Variants in ADGRB3 observed in about 807,000 individuals in gnomAD.
The protein encoded by ADGRB3 is adhesion G protein-coupled receptor B3, also known as brain-specific angiogenesis inhibitor 3.
ADGRB3 carries 37 observed loss-of-function variants against 193.4 expected under a neutral mutation model. The ratio of observed to expected loss-of-function variants is 0.19; its 90% CI spans 0.15 to 0.25. The LOEUF (loss-of-function observed/expected upper bound fraction) is 0.25, where lower values mean the gene tolerates loss of function less well. ADGRB3 is among the 10% of genes least tolerant of loss of function. The pLI is 1.00. For missense variants in ADGRB3, 1,637 were observed against 1,852.9 expected (o/e 0.88, Z 2.14); for synonymous variants, 690 against 644.2 (o/e 1.07, Z -1.08).
intron 3 of ADGRB3, among the ~76,000 whole-genome samples, chr6:68,758,751 C>T (rs1374692344): frequency 6.6e-6 from 1 of 152,042 alleles, no homozygotes; most frequent in Non-Finnish European, 1.5e-5. Flanking sequence ...CCCATAGTGC[C>T]CATTAAGCAC....
At chr6:68,736,475 CTAAT>C (rs1765875329) in intron 3 of ADGRB3, among the ~76,000 whole-genome samples, 1 of 152,210 alleles carries the variant, frequency 6.6e-6, no homozygotes, top group African/African-American at 2.4e-5. Flanking sequence ...AGTGTCTCTA[CTAAT>C]TAGACTTAAT....
intron 3 of ADGRB3, among the ~76,000 whole-genome samples, chr6:68,817,031 A>G (rs557409371): frequency 6.6e-6 from 1 of 151,958 alleles, no homozygotes; most frequent in African/African-American, 2.4e-5. Flanking sequence ...TTTATAATAT[A>G]AACTTGTATT....
At chr6:69,096,345 G>A (rs1436794859) in intron 17 of ADGRB3, among the ~76,000 whole-genome samples, 1 of 143,580 alleles carries the variant, frequency 7.0e-6, no homozygotes, top group African/African-American at 2.5e-5. Flanking sequence ...CCAAGAAAGA[G>A]GGTTTTTATT....
chr6:68,975,726 A>T (rs1768725091), intron 10 of ADGRB3, among the ~76,000 whole-genome samples: 1 of 152,180 alleles, frequency 6.6e-6, no homozygotes, highest in Admixed American at 6.5e-5. Context: ...CAGTAGTTGG[A>T]CAGTGATAAA....
At chr6:69,078,322 TC>T (rs1328100496) in intron 17 of ADGRB3, among the ~76,000 whole-genome samples, 4 of 152,000 alleles carry the variant, frequency 2.6e-5, no homozygotes, top group East Asian at 1.9e-4. Context: ...GCCCCACTGA[TC>T]ATCACCATCT....
At chr6:69,115,956 T>C (rs1773519324) in intron 17 of ADGRB3, among the ~76,000 whole-genome samples, 1 of 152,180 alleles carries the variant, frequency 6.6e-6, no homozygotes, top group Non-Finnish European at 1.5e-5. Flanking sequence ...TTTTAAGGAA[T>C]TGGTTTGCAC....
chr6:69,328,006 T>C (rs1768616466), intron 22 of ADGRB3, 117 bp downstream of exon 22: 1 of 807,886 alleles, frequency 1.2e-6, no homozygotes, highest in South Asian at 2.8e-5. Context: ...TGGTAGAAAT[T>C]GCATTAGTAA....
chr6:68,959,432 T>C (rs1309351677), intron 8 of ADGRB3, among the ~76,000 whole-genome samples: 2 of 152,164 alleles, frequency 1.3e-5, no homozygotes, highest in South Asian at 4.1e-4. Context: ...TTTCTTCAAG[T>C]TGCTGAAAAC....
At chr6:68,689,841 A>G (rs780980279) in intron 3 of ADGRB3, among the ~76,000 whole-genome samples, 2 of 152,144 alleles carry the variant, frequency 1.3e-5, no homozygotes, top group Admixed American at 6.6e-5. Context: ...AGTACCAAAT[A>G]CCTTATTCTG....
intron 17 of ADGRB3, among the ~76,000 whole-genome samples, chr6:69,225,306 TTTTTA>T (rs1276838518): frequency 3.9e-5 from 6 of 152,198 alleles, no homozygotes; most frequent in Non-Finnish European, 8.8e-5. Context: ...AAGCTTCATA[TTTTTA>T]TTTTCTTATT....
At chr6:68,838,479 C>T (rs1156361678) in intron 3 of ADGRB3, among the ~76,000 whole-genome samples, 3 of 152,162 alleles carry the variant, frequency 2.0e-5, no homozygotes, top group Non-Finnish European at 4.4e-5. Context: ...CTTTGCTTCC[C>T]CTTTGTGCTT....
chr6:69,094,893 A>C (rs989107600), intron 17 of ADGRB3, among the ~76,000 whole-genome samples: 1 of 152,198 alleles, frequency 6.6e-6, no homozygotes, highest in African/African-American at 2.4e-5. Context: ...GATCATTATA[A>C]AATGAAACTG....
intron 3 of ADGRB3, among the ~76,000 whole-genome samples, chr6:68,657,432 C>A (rs1032299648): frequency 2.0e-5 from 3 of 151,206 alleles, no homozygotes; most frequent in Non-Finnish European, 3.0e-5. Flanking sequence ...TTTAAACAGA[C>A]GAAAATATGG....
rs539309642 is a variant in ADGRB3, at chr6:68,934,419, T to G, written c.869-2100T>G. On this transcript the variant is annotated intron_variant, in intron 4 of 31. Coordinates refer to ENST00000370598, the MANE Select transcript of ADGRB3 (RefSeq NM_001704.3). The stretch of plus-strand genomic sequence containing the variant: ...ACGAAAGTAATTTAAATATAGGGCT[T>G]GATCTGAATTCACTGCTCAGTTTAG... 2.6e-5 allele frequency among the ~76,000 whole-genome samples: 4 copies of G among 152,310 alleles called. No homozygotes were observed. The South Asian group carries it at 8.3e-4, about 32-fold the overall frequency.
chr6:69,362,045 TA>T (rs1769466337), intron 29 of ADGRB3, among the ~76,000 whole-genome samples: 1 of 151,956 alleles, frequency 6.6e-6, no homozygotes, highest in African/African-American at 2.4e-5. Context: ...AGATCAATAT[TA>T]TTCAGAGTAA....
At chr6:68,917,124 T>C (rs983079033) in intron 3 of ADGRB3, among the ~76,000 whole-genome samples, 1 of 152,124 alleles carries the variant, frequency 6.6e-6, no homozygotes, top group African/African-American at 2.4e-5. Flanking sequence ...TTTTACAGAT[T>C]TGGAAAAGCT....
At chr6:68,890,772 G>C (rs1291197583) in intron 3 of ADGRB3, among the ~76,000 whole-genome samples, 1 of 152,118 alleles carries the variant, frequency 6.6e-6, no homozygotes, top group Non-Finnish European at 1.5e-5. Flanking sequence ...GCCTAGTATT[G>C]AATCTCAAAG....
intron 3 of ADGRB3, among the ~76,000 whole-genome samples, chr6:68,846,019 A>G (rs1768267735): frequency 6.6e-6 from 1 of 152,136 alleles, no homozygotes; most frequent in Admixed American, 6.6e-5. Context: ...TATGAAAAGT[A>G]AGGTCCAGGC....
intron 3 of ADGRB3, among the ~76,000 whole-genome samples, chr6:68,729,313 G>A (rs1396607197): frequency 1.3e-5 from 2 of 151,478 alleles, no homozygotes; most frequent in East Asian, 1.9e-4. Context: ...AGGAAAATAT[G>A]AGTTCTTTTT....
Sources: gnomAD v4.1 joint callset for allele counts (sites outside exome capture counted in the v4.1 genomes callset) on GRCh38, gnomAD v4.1.1 for gene constraint, MANE v1.5 for transcripts, NCBI Gene and HGNC (gene_info 2026-07-23, HGNC 2026-07-21) for gene names.